P2RX7: variants seen among roughly 807,000 people sequenced by gnomAD.
P2RX7 encodes the protein P2X purinoceptor 7.
A neutral mutation model predicts 71.6 loss-of-function variants in P2RX7; 62 were observed. That is an observed-to-expected ratio of 0.87 (90% CI 0.71 to 1.07). The LOEUF (loss-of-function observed/expected upper bound fraction) is 1.07, where lower values mean the gene tolerates loss of function less well. Ranked by LOEUF, P2RX7 falls within the 50% of genes least tolerant of loss-of-function variation. The pLI is 0.00. For missense variants in P2RX7, 686 were observed against 748.5 expected, an observed-to-expected ratio of 0.92 and a Z score of 0.97; for synonymous variants, 299 against 283.3, an observed-to-expected ratio of 1.06 and a Z score of -0.56.
At chr12:121,152,858 A>G (rs1173417220) in intron 1 of P2RX7, among the ~76,000 whole-genome samples, 2 of 152,162 alleles carry the variant, frequency 1.3e-5, no homozygotes. Flanking sequence ...TTATTTATCC[A>G]TTCGTTGTTT....
intron 6 of P2RX7, 32 bp from the exon 7 acceptor site, chr12:121,166,026 T>G (rs200464475): frequency 5.1e-6 from 4 of 778,990 alleles, no homozygotes; most frequent in Non-Finnish European, 7.3e-6. Flanking sequence ...ATCGAGATGT[T>G]TGTTTGTTTG....
chr12:121,138,714 G>C (rs1874219929), intron 1 of P2RX7, among the ~76,000 whole-genome samples: 1 of 152,244 alleles, frequency 6.6e-6, no homozygotes. Flanking sequence ...GTCCTGGCTT[G>C]TCTCAGCCCT....
chr12:121,177,814 G>A (rs1883417643), intron 11 of P2RX7, among the ~76,000 whole-genome samples: 1 of 151,852 alleles, frequency 6.6e-6, no homozygotes, highest in Admixed American at 6.6e-5. Flanking sequence ...TGCCTCCCAG[G>A]TTTAAGTGAT....
intron 8 of P2RX7, among the ~76,000 whole-genome samples, chr12:121,172,491 G>A (rs1882388010): frequency 6.6e-6 from 1 of 152,118 alleles, no homozygotes; most frequent in Admixed American, 6.6e-5. Flanking sequence ...AATTAGTCGG[G>A]TGTAATGGTT....
At chr12:121,170,095 T>C (rs1016808276) in intron 8 of P2RX7, among the ~76,000 whole-genome samples, 3 of 152,216 alleles carry the variant, frequency 2.0e-5, no homozygotes, top group Admixed American at 2.0e-4. Context: ...GGCGGGCTGA[T>C]GCTTTTTGCT....
chr12:121,133,136 C>T (rs755207511), intron 1 of P2RX7, 41 bp downstream of exon 1: 5 of 1,612,004 alleles, frequency 3.1e-6, no homozygotes, highest in East Asian at 2.2e-5. Flanking sequence ...CTGCAGTGGC[C>T]GACAGCACAG....
intron 1 of P2RX7, among the ~76,000 whole-genome samples, chr12:121,134,151 A>G (rs1162616922): frequency 6.6e-6 from 1 of 152,236 alleles, no homozygotes; most frequent in African/African-American, 2.4e-5. Flanking sequence ...ATAATGCCAC[A>G]TGAACATTTG....
chr12:121,177,687 C>CATTTATTT (rs140201550), intron 11 of P2RX7, among the ~76,000 whole-genome samples: 2,732 of 142,408 alleles, frequency 0.019, 34 homozygotes, highest in Non-Finnish European at 0.019. Flanking sequence ...CCAATTTTGT[C>CATTTATTT]ATTTATTTAT....
chr12:121,141,011 G>A (rs992840362), intron 1 of P2RX7, among the ~76,000 whole-genome samples: 3 of 152,032 alleles, frequency 2.0e-5, no homozygotes, highest in African/African-American at 7.2e-5. Flanking sequence ...ACTTGAACCT[G>A]GGAGGCAGAG....
chr12:121,160,796 C>G (rs556233156), intron 3 of P2RX7, 106 bp from the exon 4 acceptor site: 161 of 958,986 alleles, frequency 1.7e-4, no homozygotes, highest in Non-Finnish European at 2.6e-4. Context: ...CTGAGTAGTG[C>G]TGCTATAAGC....
At chr12:121,147,362 T>C (rs1876413401) in intron 1 of P2RX7, among the ~76,000 whole-genome samples, 1 of 152,174 alleles carries the variant, frequency 6.6e-6, no homozygotes. Flanking sequence ...GAGTAAGGAT[T>C]GCAAGAGTTA....
chr12:121,183,781 G>A (rs916695818), intron 12 of P2RX7, among the ~76,000 whole-genome samples: 1 of 152,080 alleles, frequency 6.6e-6, no homozygotes, highest in Admixed American at 6.6e-5. Flanking sequence ...CTGTAAAATA[G>A]GCCAGGTGCA....
chr12:121,148,342 G>A (rs1876684049), intron 1 of P2RX7, among the ~76,000 whole-genome samples: 1 of 151,700 alleles, frequency 6.6e-6, no homozygotes, highest in African/African-American at 2.4e-5. Context: ...AGCCTCCCAA[G>A]TAGCTGGAAT....
intron 11 of P2RX7, among the ~76,000 whole-genome samples, chr12:121,179,766 A>G (rs796656030): frequency 1.3e-5 from 2 of 152,342 alleles, no homozygotes; most frequent in South Asian, 2.1e-4. Context: ...TTGACAGAAT[A>G]CAACAAAGAA....
chr12:121,177,687 C>CATTTATTTATTT (rs140201550), intron 11 of P2RX7, among the ~76,000 whole-genome samples: 103 of 142,434 alleles, frequency 7.2e-4, no homozygotes, highest in East Asian at 1.2e-3. Context: ...CCAATTTTGT[C>CATTTATTTATTT]ATTTATTTAT....
At chr12:121,159,466 C>T (rs992106177) in intron 3 of P2RX7, among the ~76,000 whole-genome samples, 8 of 144,780 alleles carry the variant, frequency 5.5e-5, no homozygotes, top group Admixed American at 3.4e-4. Context: ...CCTGCTTTTA[C>T]AGATGAACAG....
intron 8 of P2RX7, among the ~76,000 whole-genome samples, chr12:121,168,719 G>A (rs1881615876): frequency 6.6e-6 from 1 of 152,088 alleles, no homozygotes; most frequent in Non-Finnish European, 1.5e-5. Context: ...ACGTCACTCT[G>A]ACCCCACACT....
chr12:121,147,842 G>A (rs1876537355), intron 1 of P2RX7, among the ~76,000 whole-genome samples: 2 of 151,746 alleles, frequency 1.3e-5, no homozygotes, highest in Non-Finnish European at 2.9e-5. Context: ...TGAACTCCTG[G>A]CCTCAATTAA....
At chr12:121,136,612 TTGTC>T (rs1260461000) in intron 1 of P2RX7, among the ~76,000 whole-genome samples, 2 of 149,208 alleles carry the variant, frequency 1.3e-5, no homozygotes, top group African/African-American at 4.9e-5. Context: ...ATGAGCCACT[TTGTC>T]TGGCCTACAA....
Sources: gnomAD v4.1 joint callset for allele counts (sites outside exome capture counted in the v4.1 genomes callset) on GRCh38, gnomAD v4.1.1 for gene constraint, MANE v1.5 for transcripts, NCBI Gene and HGNC (gene_info 2026-07-23, HGNC 2026-07-21) for gene names.